ANXA8: variants seen among roughly 807,000 people sequenced by gnomAD.
The protein encoded by ANXA8 is annexin A8.
In ANXA8, 9 loss-of-function variants were observed where a neutral mutation model predicts 26.8. The observed-to-expected ratio is 0.34, with a 90% CI of 0.20 to 0.59. ANXA8 has a LOEUF of 0.59. Among genes scored for constraint, ANXA8 ranks in the 20% least tolerant of loss-of-function variants. ANXA8 has a pLI of 0.84. For synonymous variants in ANXA8, 39 were observed against 94.8 expected (o/e 0.41, Z 3.42); for missense variants, 83 against 238.5 (o/e 0.35, Z 4.29).
the ANXA8 span, among the ~76,000 whole-genome samples, chr10:47,925,112 A>G: frequency 1.9e-5 from 2 of 105,966 alleles, no homozygotes; most frequent in Non-Finnish European, 3.8e-5. Flanking sequence ...GGAAAAGGAT[A>G]TACATGCTCC....
At chr10:47,985,165 T>A in the ANXA8 span, among the ~76,000 whole-genome samples, 1 of 149,724 alleles carries the variant, frequency 6.7e-6, no homozygotes, top group Non-Finnish European at 1.5e-5. Flanking sequence ...GCAATAGACA[T>A]GAAGAGACAT....
the ANXA8 span, among the ~76,000 whole-genome samples, chr10:47,952,314 G>A: frequency 6.6e-6 from 1 of 151,478 alleles, no homozygotes; most frequent in Non-Finnish European, 1.5e-5. Context: ...AGATTCGAAA[G>A]GAGGAGGTAA....
the ANXA8 span, among the ~76,000 whole-genome samples, chr10:47,639,506 C>CG: frequency 6.6e-6 from 1 of 152,282 alleles, no homozygotes; most frequent in African/African-American, 2.4e-5. Flanking sequence ...TTAGTAGAGA[C>CG]GGGGTTTCAC....
the ANXA8 span, among the ~76,000 whole-genome samples, chr10:47,495,373 C>T: frequency 2.7e-5 from 4 of 149,532 alleles, no homozygotes; most frequent in Non-Finnish European, 5.9e-5. Flanking sequence ...GCAACTTCTG[C>T]CTCCCGCGTT....
At chr10:47,701,128 T>C in the ANXA8 span, among the ~76,000 whole-genome samples, 6 of 148,898 alleles carry the variant, frequency 4.0e-5, no homozygotes, top group Admixed American at 3.3e-4. Flanking sequence ...GGCTATCAAA[T>C]ATAACTTATT....
the ANXA8 span, among the ~76,000 whole-genome samples, chr10:47,703,087 G>A: frequency 6.6e-6 from 1 of 150,706 alleles, no homozygotes; most frequent in African/African-American, 2.4e-5. Flanking sequence ...ACACCTACTG[G>A]CTAAAGCTGA....
the ANXA8 span, among the ~76,000 whole-genome samples, chr10:47,558,318 G>T: frequency 6.6e-6 from 1 of 151,818 alleles, no homozygotes; most frequent in African/African-American, 2.4e-5. Context: ...TGTCAGCAGG[G>T]TGGCCTTGAT....
chr10:47,940,614 G>GGTGAGGAGGGTGGATCATGAA, the ANXA8 span, among the ~76,000 whole-genome samples: 1 of 147,752 alleles, frequency 6.8e-6, no homozygotes, highest in African/African-American at 2.6e-5. Context: ...TGGATCATGA[G>GGTGAGGAGGGTGGATCATGAA]GTCAGGAGTT....
chr10:47,553,273 T>A, the ANXA8 span: 1 of 152,098 alleles, frequency 6.6e-6, no homozygotes, highest in Non-Finnish European at 1.5e-5. Context: ...TCCCTCCCAG[T>A]CCGGGCTCTC....
the ANXA8 span, among the ~76,000 whole-genome samples, chr10:47,982,372 CA>C: frequency 1.3e-5 from 2 of 151,402 alleles, no homozygotes; most frequent in East Asian, 3.9e-4. Context: ...CAAGATAGCC[CA>C]ATACTAGAAA....
chr10:47,941,770 C>T, the ANXA8 span, among the ~76,000 whole-genome samples: 3 of 147,982 alleles, frequency 2.0e-5, no homozygotes, highest in Non-Finnish European at 4.4e-5. Flanking sequence ...ATTTGGGAAG[C>T]ATTATCCAAC....
chr10:47,907,378 T>C, the ANXA8 span, among the ~76,000 whole-genome samples: 1 of 150,418 alleles, frequency 6.6e-6, no homozygotes, highest in Admixed American at 6.6e-5. Context: ...AAAAAAGAAA[T>C]TAAGGATTCA....
chr10:47,684,608 CAG>C, the ANXA8 span, among the ~76,000 whole-genome samples: 1 of 151,710 alleles, frequency 6.6e-6, no homozygotes, highest in African/African-American at 2.4e-5. Context: ...TTTTTTGAGA[CAG>C]AGTCTCGCTC....
the ANXA8 span, among the ~76,000 whole-genome samples, chr10:47,763,790 TG>T: frequency 4.7e-5 from 5 of 106,946 alleles, no homozygotes; most frequent in African/African-American, 1.5e-4. Context: ...AGTGTGTGTG[TG>T]GGGGGGGGAG....
chr10:47,474,108 T>G, intron 8 of ANXA8, 43 bp from the exon 9 acceptor site: 1 of 504,710 alleles, frequency 2.0e-6, no homozygotes. Flanking sequence ...GACCTCCTCG[T>G]GATGCCCCTC....
chr10:47,976,543 TTA>T, the ANXA8 span, among the ~76,000 whole-genome samples: 3 of 92,598 alleles, frequency 3.2e-5, no homozygotes, highest in Non-Finnish European at 6.6e-5. Flanking sequence ...ACCTCTGTCT[TTA>T]CACACACACA....
chr10:47,657,280 T>C, the ANXA8 span, among the ~76,000 whole-genome samples: 2 of 151,710 alleles, frequency 1.3e-5, 1 homozygote, highest in African/African-American at 4.9e-5. Context: ...TCCAGGCCAG[T>C]CTCAAACTCC....
chr10:47,769,040 G>T, the ANXA8 span, among the ~76,000 whole-genome samples: 3 of 146,190 alleles, frequency 2.1e-5, no homozygotes, highest in Non-Finnish European at 4.5e-5. Flanking sequence ...GATCATCTCA[G>T]TCCTGACCAC....
At chr10:47,971,382 G>A in the ANXA8 span, among the ~76,000 whole-genome samples, 1 of 150,660 alleles carries the variant, frequency 6.6e-6, no homozygotes, top group Non-Finnish European at 1.5e-5. Flanking sequence ...TCCAACTGAA[G>A]ACATTCCTAG....
Sources: allele counts gnomAD v4.1 joint callset (sites outside exome capture counted in the v4.1 genomes callset), GRCh38; gene constraint gnomAD v4.1.1; transcripts MANE v1.5; gene names NCBI Gene and HGNC (gene_info 2026-07-23, HGNC 2026-07-21).